The following RASEF variants were observed in gnomAD, a reference collection of about 807,000 sequenced individuals.
RASEF encodes the protein ras and EF-hand domain-containing protein.
RASEF carries 68 observed loss-of-function variants against 90.1 expected under a neutral mutation model. The observed-to-expected ratio is 0.75, with a 90% CI of 0.62 to 0.92. The LOEUF (loss-of-function observed/expected upper bound fraction) is 0.92. Ranked by LOEUF, RASEF falls within the 40% of genes least tolerant of loss-of-function variation. The pLI, the probability that RASEF is intolerant of heterozygous loss-of-function variation, is 0.00. For missense variants in RASEF, 949 were observed against 937.2 expected (o/e 1.01, Z -0.16); for synonymous variants, 331 against 345.2 (o/e 0.96, Z 0.46).
chr9:83,195,040 G>A, the RASEF span, among the ~76,000 whole-genome samples: 7 of 152,094 alleles, frequency 4.6e-5, no homozygotes, highest in African/African-American at 7.2e-5. Context: ...CACTTTCTGC[G>A]CTCAGAGATC....
At chr9:83,063,296 G>C (rs1359660473), upstream of RASEF, 1 of 180,430 alleles carries the variant, frequency 5.5e-6, no homozygotes, top group Non-Finnish European at 1.1e-5. Flanking sequence ...CTGGCTGGCC[G>C]GAACTGGGAT....
the RASEF span, among the ~76,000 whole-genome samples, chr9:83,083,540 G>C: frequency 6.6e-6 from 1 of 152,010 alleles, no homozygotes; most frequent in African/African-American, 2.4e-5. Flanking sequence ...ATGAATCTGT[G>C]AAACAAGATG....
the RASEF span, among the ~76,000 whole-genome samples, chr9:83,068,932 A>G: frequency 6.6e-6 from 1 of 152,210 alleles, no homozygotes; most frequent in African/African-American, 2.4e-5. Flanking sequence ...TAAAATAAGT[A>G]GCTTTTGAGG....
the RASEF span, among the ~76,000 whole-genome samples, chr9:83,141,339 A>G: frequency 1.3e-5 from 2 of 152,252 alleles, no homozygotes; most frequent in South Asian, 4.1e-4. Flanking sequence ...ACAGATGAAG[A>G]TTACAAGATA....
chr9:83,032,115 T>C (rs1829658015), intron 1 of RASEF, among the ~76,000 whole-genome samples: 1 of 152,166 alleles, frequency 6.6e-6, no homozygotes, highest in African/African-American at 2.4e-5. Flanking sequence ...CTCAATAAAC[T>C]TGGCACCATT....
the RASEF span, among the ~76,000 whole-genome samples, chr9:83,079,888 C>T: frequency 6.6e-6 from 1 of 151,824 alleles, no homozygotes; most frequent in Non-Finnish European, 1.5e-5. Flanking sequence ...ATGTTAACAG[C>T]CTTGCGATAT....
At chr9:83,099,930 T>A in the RASEF span, among the ~76,000 whole-genome samples, 1 of 152,194 alleles carries the variant, frequency 6.6e-6, no homozygotes, top group Non-Finnish European at 1.5e-5. Flanking sequence ...ACTTATGAAA[T>A]CAGATGCAAA....
rs117955882 is a variant in RASEF at position 83,004,724 on chromosome 9, C to T, written c.1114-138G>A. On this transcript the variant is annotated intron_variant, in intron 8 of 16. Coordinates refer to ENST00000376447, the MANE Select transcript of RASEF (RefSeq NM_152573.4). ...TTCTAATGTAACTAAAAGTTTGTTA[C>T]ACTACCTGAGCAAATGTGAGCAAAA... The T allele has an allele frequency of 2.7e-3, 1,656 of 605,854 alleles. 10 individuals are homozygous for T. Among genetic ancestry groups the T allele is most frequent in the Middle Eastern group, 8.8e-3 (20 of 2,274 alleles). 37.5% of individuals were successfully genotyped at this position (605,854 alleles called of 1,614,324 possible). A position where few individuals can be genotyped will look rare whatever the true frequency, so the allele number is the denominator to read the frequency against.
chr9:82,982,715 T>G lies in RASEF; in HGVS notation c.2185A>C (p.Lys729Gln), dbSNP rs372237565. Residue 729 changes from lysine (K) to glutamine (Q), a missense_variant, in exon 17 of 17, where the codon AAA becomes CAA. By Grantham distance (53) the Lys-to-Gln change is moderately conservative. Around this residue, in one of 3 missense-constraint regions of RASEF, gnomAD observed 288 missense variants for 328.4 expected, o/e 0.88. Coordinates refer to ENST00000376447, the MANE Select transcript of RASEF (RefSeq NM_152573.4). ...SITNLTGTNS[K>Q]KSPQMKNCCN... is the part of the protein sequence containing the mutation. ...CAATTCTTCATCTGTGGTGACTTTT[T>G]GGAATTGGTCCCGGTTAGATTGGTA... The G allele has an allele frequency of 6.2e-7, 1 of 1,611,114 alleles. No individual in the cohort carries two copies. Among genetic ancestry groups the G allele is most frequent in the Middle Eastern group, 1.7e-4 (1 of 6,054 alleles).
chr9:83,135,203 T>C, the RASEF span, among the ~76,000 whole-genome samples: 1 of 152,038 alleles, frequency 6.6e-6, no homozygotes, highest in Non-Finnish European at 1.5e-5. Context: ...TAAAAATGCA[T>C]GGATGAAGCT....
At chr9:83,066,695 G>A (rs1830284311), upstream of RASEF, among the ~76,000 whole-genome samples, 1 of 152,170 alleles carries the variant, frequency 6.6e-6, no homozygotes, top group South Asian at 2.1e-4. Flanking sequence ...GTTAGAGCAT[G>A]TTTCTCAAAG....
chr9:83,219,208 T>C, the RASEF span: 1 of 152,156 alleles, frequency 6.6e-6, no homozygotes, highest in Non-Finnish European at 1.5e-5. Flanking sequence ...GGGCACTGAG[T>C]GCCTGGACAG....
At chr9:83,049,323 G>A in intron 1 of RASEF, 2 of 985,248 alleles carry the variant, frequency 2.0e-6, no homozygotes, top group Non-Finnish European at 2.4e-6. Flanking sequence ...ACCTGACGGG[G>A]ATGCAGTTTT....
chr9:83,055,545 C>A (rs1294175795), intron 1 of RASEF: 1 of 708,826 alleles, frequency 1.4e-6, no homozygotes, highest in Non-Finnish European at 2.6e-6. Flanking sequence ...GGAGCTGTTC[C>A]TATTCGGCCA....
upstream of RASEF, among the ~76,000 whole-genome samples, chr9:83,064,345 T>G (rs1830263384): frequency 6.6e-6 from 1 of 152,202 alleles, no homozygotes; most frequent in Non-Finnish European, 1.5e-5. Flanking sequence ...AGCAACCTAA[T>G]TGCTAAGTGA....
At chr9:83,158,270 C>T in the RASEF span, among the ~76,000 whole-genome samples, 1 of 151,980 alleles carries the variant, frequency 6.6e-6, no homozygotes, top group Non-Finnish European at 1.5e-5. Flanking sequence ...AAAATTGAAA[C>T]ATCTGGCATT....
the RASEF span, among the ~76,000 whole-genome samples, chr9:83,142,430 TTA>T: frequency 6.6e-6 from 1 of 152,322 alleles, no homozygotes; most frequent in African/African-American, 2.4e-5. Flanking sequence ...TACATGCATT[TTA>T]GATAGTTTGA....
the RASEF span, among the ~76,000 whole-genome samples, chr9:83,114,022 A>T: frequency 6.6e-6 from 1 of 152,034 alleles, no homozygotes; most frequent in Non-Finnish European, 1.5e-5. Flanking sequence ...ACCCCTAGAG[A>T]CCCAGCTGTA....
the RASEF span, among the ~76,000 whole-genome samples, chr9:83,171,360 T>C: frequency 6.6e-6 from 1 of 151,948 alleles, no homozygotes. Flanking sequence ...TGCAACTATG[T>C]TCATCAATGA....
Sources: allele counts gnomAD v4.1 joint callset (sites outside exome capture counted in the v4.1 genomes callset), GRCh38; gene constraint gnomAD v4.1.1; regional missense constraint gnomAD v4.1.1; transcripts MANE v1.5; gene names NCBI Gene and HGNC (gene_info 2026-07-23, HGNC 2026-07-21).